NELL1: variants seen among roughly 807,000 people sequenced by gnomAD.
NELL1 encodes the protein protein kinase C-binding protein NELL1.
NELL1 carries 76 observed loss-of-function variants against 107.4 expected under a neutral mutation model. The ratio of observed to expected loss-of-function variants is 0.71; its 90% confidence interval spans 0.59 to 0.86. The LOEUF is 0.86. NELL1 is among the 40% of genes least tolerant of loss of function. The probability of loss-of-function intolerance (pLI) is 0.00; values close to 1 mark genes in which losing one functional copy is unlikely to be tolerated. For synonymous variants in NELL1, 353 were observed against 341.2 expected, an observed-to-expected ratio of 1.03 and a Z score of -0.38; for missense variants, 1,024 against 1,005.5, an observed-to-expected ratio of 1.02 and a Z score of -0.25.
At chr11:21,495,673 A>C (rs1854958715) in intron 15 of NELL1, among the ~76,000 whole-genome samples, 1 of 152,006 alleles carries the variant, frequency 6.6e-6, no homozygotes, top group African/African-American at 2.4e-5. Flanking sequence ...TATACTTGTT[A>C]TTATCTCACT....
intron 3 of NELL1, among the ~76,000 whole-genome samples, chr11:20,791,257 ATT>A (rs548634639): frequency 6.6e-6 from 1 of 151,240 alleles, no homozygotes; most frequent in Non-Finnish European, 1.5e-5. Flanking sequence ...ATTTCTTTCA[ATT>A]TTTTTTGTTT....
intron 14 of NELL1, among the ~76,000 whole-genome samples, chr11:21,369,565 T>C (rs1425177355): frequency 3.3e-5 from 5 of 152,008 alleles, no homozygotes; most frequent in African/African-American, 1.2e-4. Flanking sequence ...TTCTACGTAT[T>C]TGGAATAGTG....
At chr11:21,157,848 G>A (rs1294879529) in intron 13 of NELL1, among the ~76,000 whole-genome samples, 1 of 152,150 alleles carries the variant, frequency 6.6e-6, no homozygotes, top group Non-Finnish European at 1.5e-5. Flanking sequence ...TGTAAAGATT[G>A]CATATAGCTT....
At chr11:21,481,350 G>T (rs747386246) in intron 15 of NELL1, among the ~76,000 whole-genome samples, 10 of 152,146 alleles carry the variant, frequency 6.6e-5, no homozygotes, top group Non-Finnish European at 1.3e-4. Context: ...AATGATGAAA[G>T]TTCCATGAGG....
chr11:20,917,096 A>G (rs1431988202), intron 5 of NELL1, among the ~76,000 whole-genome samples: 1 of 152,020 alleles, frequency 6.6e-6, no homozygotes, highest in African/African-American at 2.4e-5. Flanking sequence ...AAGTTAATTC[A>G]TTTAGATTGT....
intron 15 of NELL1, among the ~76,000 whole-genome samples, chr11:21,491,183 C>A (rs1240380700): frequency 6.6e-6 from 1 of 152,112 alleles, no homozygotes; most frequent in Non-Finnish European, 1.5e-5. Flanking sequence ...TTTTGCTGTG[C>A]AGAAGCTCTT....
intron 14 of NELL1, among the ~76,000 whole-genome samples, chr11:21,258,266 A>T (rs1858820025): frequency 6.6e-6 from 1 of 152,020 alleles, no homozygotes; most frequent in East Asian, 1.9e-4. Flanking sequence ...GTTTCTTGAT[A>T]ACATCCTATG....
intron 16 of NELL1, among the ~76,000 whole-genome samples, chr11:21,558,859 A>G (rs1856783995): frequency 6.6e-6 from 1 of 152,032 alleles, no homozygotes; most frequent in Admixed American, 6.6e-5. Context: ...TTGAAAGAAG[A>G]TTGAAGAGAT....
intron 12 of NELL1, among the ~76,000 whole-genome samples, chr11:21,005,085 G>A (rs1486036729): frequency 1.3e-5 from 2 of 152,134 alleles, no homozygotes; most frequent in Non-Finnish European, 2.9e-5. Context: ...GCCCTGAAAA[G>A]GGAGAGCTCA....
rs542270639 is a variant in NELL1 at position 21,200,013 on chromosome 11, T to C, written c.1427-29319T>C. Among the ~76,000 whole-genome samples, 7 of 152,328 alleles carry C rather than the reference T, an allele frequency of 4.6e-5. No individual in the cohort carries two copies. The East Asian group carries it at 1.4e-3, about 29-fold the overall frequency. The stretch of plus-strand genomic sequence containing the variant: ...TGGCCGCATAGTATTCCATGGTGTA[T>C]ATGTGTCACATTTTCTTTATCCAGT... On this transcript the variant is annotated intron_variant, in intron 13 of 19. Transcript: ENST00000357134.
At chr11:21,390,486 G>C (rs960403754) in intron 15 of NELL1, among the ~76,000 whole-genome samples, 1 of 149,046 alleles carries the variant, frequency 6.7e-6, no homozygotes, top group African/African-American at 2.5e-5. Context: ...TTTTTCGACC[G>C]CTCATCCACA....
intron 17 of NELL1, among the ~76,000 whole-genome samples, chr11:21,564,837 T>C (rs953512450): frequency 2.6e-5 from 4 of 151,890 alleles, no homozygotes; most frequent in Non-Finnish European, 5.9e-5. Context: ...TTCATGAGAT[T>C]GTCTGGAATC....
intron 15 of NELL1, among the ~76,000 whole-genome samples, chr11:21,410,415 A>G (rs1852346828): frequency 6.6e-6 from 1 of 152,100 alleles, no homozygotes; most frequent in Non-Finnish European, 1.5e-5. Flanking sequence ...GAAGGCGAGT[A>G]GGGAAAGCAG....
At chr11:21,189,098 A>G (rs11025961) in intron 13 of NELL1, among the ~76,000 whole-genome samples, 21,101 of 151,766 alleles carry the variant, frequency 0.14, 2,073 homozygotes, top group East Asian at 0.48. Flanking sequence ...TGCCACTTGC[A>G]TTTGTCACTC....
chr11:21,086,297 T>C (rs181010042), intron 12 of NELL1, among the ~76,000 whole-genome samples: 203 of 152,280 alleles, frequency 1.3e-3, no homozygotes, highest in Middle Eastern at 3.4e-3. Context: ...TTTTCAAACA[T>C]TGAACCTAGT....
intron 15 of NELL1, among the ~76,000 whole-genome samples, chr11:21,447,868 G>A (rs1326855329): frequency 2.0e-5 from 3 of 152,164 alleles, no homozygotes; most frequent in Admixed American, 1.3e-4. Context: ...GGACCCCAGA[G>A]CACTGTAGCC....
chr11:20,892,660 G>A (rs1172357536), intron 5 of NELL1, among the ~76,000 whole-genome samples: 1 of 152,230 alleles, frequency 6.6e-6, no homozygotes. Context: ...GCCAGACACG[G>A]TGGCTCACAC....
At chr11:20,676,603 TTCCTGAC>T (rs1854064154) in intron 1 of NELL1, among the ~76,000 whole-genome samples, 1 of 152,210 alleles carries the variant, frequency 6.6e-6, no homozygotes. Context: ...TAAAGAGGCC[TTCCTGAC>T]CAACCGTCTG....
At chr11:21,062,160 A>G (rs1410105649) in intron 12 of NELL1, among the ~76,000 whole-genome samples, 1 of 152,250 alleles carries the variant, frequency 6.6e-6, no homozygotes, top group Non-Finnish European at 1.5e-5. Flanking sequence ...TAAGTGTGAA[A>G]TGCACACTAC....
Sources: allele counts gnomAD v4.1 joint callset (sites outside exome capture counted in the v4.1 genomes callset), GRCh38; gene constraint gnomAD v4.1.1; transcripts MANE v1.5; gene names NCBI Gene and HGNC (gene_info 2026-07-23, HGNC 2026-07-21).